Variants in KALRN observed in about 807,000 individuals in gnomAD.
KALRN encodes the protein kalirin RhoGEF kinase.
A neutral mutation model predicts 353.7 loss-of-function variants in KALRN; 70 were observed. The ratio of observed to expected loss-of-function variants is 0.20; its 90% CI spans 0.16 to 0.24. The LOEUF is 0.24. KALRN is among the 10% of genes least tolerant of loss of function. The probability of loss-of-function intolerance (pLI) is 1.00; values close to 1 mark genes in which losing one functional copy is unlikely to be tolerated. For missense variants in KALRN, 2,791 were observed against 3,756.7 expected (o/e 0.74, Z 6.72); for synonymous variants, 1,391 against 1,434.8 (o/e 0.97, Z 0.69).
chr3:124,120,448 C>T (rs2063867070), intron 1 of KALRN, among the ~76,000 whole-genome samples: 1 of 152,140 alleles, frequency 6.6e-6, no homozygotes, highest in Non-Finnish European at 1.5e-5. Flanking sequence ...GCTTAGCGAG[C>T]ATGTTGAGGG....
At chr3:124,185,361 C>T (rs2074093824) in intron 1 of KALRN, among the ~76,000 whole-genome samples, 1 of 152,204 alleles carries the variant, frequency 6.6e-6, no homozygotes, top group Non-Finnish European at 1.5e-5. Context: ...AAGCTTCGGG[C>T]CAAAGCTTGT....
At chr3:124,332,265 G>T (rs1342458085) in intron 8 of KALRN, among the ~76,000 whole-genome samples, 1 of 152,020 alleles carries the variant, frequency 6.6e-6, no homozygotes, top group Non-Finnish European at 1.5e-5. Context: ...ATCTGCTTCT[G>T]TATTCCTGGA....
chr3:124,556,431 A>G (rs935916443), intron 33 of KALRN, among the ~76,000 whole-genome samples: 1 of 152,232 alleles, frequency 6.6e-6, no homozygotes, highest in African/African-American at 2.4e-5. Context: ...AATTCAAGAT[A>G]AAAGCACAGC....
At chr3:124,599,527 A>G (rs2076595890) in intron 34 of KALRN, among the ~76,000 whole-genome samples, 3 of 152,174 alleles carry the variant, frequency 2.0e-5, no homozygotes, top group Admixed American at 2.0e-4. Flanking sequence ...ATTGCCATCC[A>G]CAGCTGCTGC....
rs138967380 is a variant in KALRN at position 124,237,277 on chromosome 3, G to T, written c.263+2334G>T. Among the ~76,000 whole-genome samples the T allele has an allele frequency of 2.6e-3, 396 of 152,114 alleles. 2 individuals are homozygous for T. The highest frequency in any genetic ancestry group is 8.5e-3 in the African/African-American group (352 of 41,532). On this transcript the variant is annotated intron_variant, in intron 3 of 59. Coordinates refer to ENST00000682506, the MANE Select transcript of KALRN (RefSeq NM_001388419.1). The stretch of plus-strand genomic sequence containing the variant: ...AATTGTTTATCTGGGTCAGATCCAG[G>T]ATGCTAAAAAGACAGGCTCTGGTTG...
chr3:124,402,307 C>T (rs2090975223), intron 13 of KALRN, among the ~76,000 whole-genome samples: 1 of 152,206 alleles, frequency 6.6e-6, no homozygotes. Context: ...TGTTCAAAAC[C>T]AGGCCCATAG....
At chr3:124,470,656 CT>C (rs1426026627) in intron 25 of KALRN, among the ~76,000 whole-genome samples, 1 of 152,164 alleles carries the variant, frequency 6.6e-6, no homozygotes, top group Non-Finnish European at 1.5e-5. Context: ...CATCTATGGA[CT>C]GGATGTGTGG....
rs368352277 is a variant in KALRN, at chr3:124,176,069, TC to T, written c.74-51918del. Among the ~76,000 whole-genome samples the T allele has an allele frequency of 1.1e-3, 163 of 152,228 alleles. 3 individuals carry two copies. In the South Asian group the frequency reaches 0.018, roughly 17 times the overall value. On this transcript the variant is annotated intron_variant, in intron 1 of 59. Coordinates refer to ENST00000682506, the MANE Select transcript of KALRN (RefSeq NM_001388419.1). ...GTCTGCATCTCTTCCTTTCCACCCA[TC>T]CCTGCCTTTTTACCTTTTGTGTAGG...
Position 124,334,425 on chromosome 3 carries a change from T to G in KALRN, c.1577T>G (p.Ile526Ser). 1 of 1,614,186 alleles carries G rather than the reference T, an allele frequency of 6.2e-7. No individual in the cohort carries two copies. Among genetic ancestry groups the G allele is most frequent in the East Asian group, 2.2e-5 (1 of 44,870 alleles). ...CATCACCAGCGACGGCTGGAGAGCA[T>G]CTGGCAGCACCGCAAGGTGCGGCTC... Reference protein sequence around the residue: ...VLHHQRRLESIWQHRKVRLHQ... With the variant: ...VLHHQRRLESSWQHRKVRLHQ... The change falls in exon 9 of 60, where the codon ATC becomes AGC. Residue 526 changes from isoleucine (I) to serine (S), a missense_variant. Around this residue, in one of 11 missense-constraint regions of KALRN, gnomAD observed 366 missense variants for 489.2 expected, o/e 0.75. Coordinates refer to ENST00000682506, the MANE Select transcript of KALRN (RefSeq NM_001388419.1). The surrounding 1 kb of genome is among the most constrained non-coding windows in gnomAD (Gnocchi z 4.2).
At chr3:124,238,773 C>G (rs2080093841) in intron 3 of KALRN, among the ~76,000 whole-genome samples, 1 of 152,176 alleles carries the variant, frequency 6.6e-6, no homozygotes, top group Admixed American at 6.5e-5. Context: ...GGTGTAACAG[C>G]TTGGATCAGT....
intron 18 of KALRN, among the ~76,000 whole-genome samples, chr3:124,440,053 T>A (rs141297002): frequency 6.6e-6 from 1 of 152,274 alleles, no homozygotes; most frequent in African/African-American, 2.4e-5. Flanking sequence ...TTTTTATTTT[T>A]TTTAAGCTGG....
intron 10 of KALRN, among the ~76,000 whole-genome samples, chr3:124,361,265 T>G (rs904313777): frequency 2.6e-5 from 4 of 152,236 alleles, no homozygotes; most frequent in Non-Finnish European, 5.9e-5. Flanking sequence ...TTATTTATCT[T>G]TTTATGTTTA....
At position 124,389,077 on chromosome 3, in the gene KALRN, G is replaced by A. The variant is rs142265427; in HGVS notation, c.1962+4041G>A. On this transcript the variant is annotated intron_variant, in intron 11 of 59. Coordinates refer to ENST00000682506, the MANE Select transcript of KALRN (RefSeq NM_001388419.1). ...CTCAACTTTTGCTAAAGTGGCCTTC[G>A]GTACTGCTGATAAATACTGTTATAA... Among the ~76,000 whole-genome samples, 8 of 152,178 alleles carry A rather than the reference G, an allele frequency of 5.3e-5. No homozygotes were observed. In the East Asian group the frequency reaches 1.2e-3, roughly 22 times the overall value.
chr3:124,505,882 G>A (rs1256523199), intron 33 of KALRN, among the ~76,000 whole-genome samples: 1 of 152,040 alleles, frequency 6.6e-6, no homozygotes, highest in Non-Finnish European at 1.5e-5. Context: ...TCTTTTTTGT[G>A]ATCTTGAGCT....
intron 1 of KALRN, among the ~76,000 whole-genome samples, chr3:124,160,659 G>A (rs2069786494): frequency 6.6e-6 from 1 of 152,100 alleles, no homozygotes; most frequent in African/African-American, 2.4e-5. Flanking sequence ...AGACAGCCTG[G>A]CCTTTGGAGG....
intron 1 of KALRN, among the ~76,000 whole-genome samples, chr3:124,185,840 C>G (rs2150251288): frequency 6.6e-6 from 1 of 152,268 alleles, no homozygotes; most frequent in Non-Finnish European, 1.5e-5. Context: ...GTGCCCCTCC[C>G]CTTTCATTGT....
rs145712021 is a variant in KALRN, at chr3:124,344,897, A to T, written c.1648-2246A>T. Among the ~76,000 whole-genome samples the T allele has an allele frequency of 2.0e-5, 3 of 152,360 alleles. No homozygotes were observed. In the East Asian group the frequency reaches 5.8e-4, roughly 29 times the overall value. ...AAGCAAAGTAACTTAAAAAGGAAAC[A>T]AATTGCGTTTAAAAAATATTTAGAA... On this transcript the variant is annotated intron_variant, in intron 9 of 59. Transcript: ENST00000682506.
intron 34 of KALRN, among the ~76,000 whole-genome samples, chr3:124,625,147 G>T (rs2079793825): frequency 6.6e-6 from 1 of 152,072 alleles, no homozygotes; most frequent in Admixed American, 6.6e-5. Context: ...AATCCTAGGA[G>T]CAACCTTATG....
At chr3:124,700,088 G>T in intron 56 of KALRN, 55 bp downstream of exon 56, 1 of 1,570,144 alleles carries the variant, frequency 6.4e-7, no homozygotes, top group Non-Finnish European at 8.7e-7. Context: ...GCACCTGGCT[G>T]CCTGTCACAG....
Sources: allele counts gnomAD v4.1 joint callset (sites outside exome capture counted in the v4.1 genomes callset), GRCh38; gene constraint gnomAD v4.1.1; regional missense constraint gnomAD v4.1.1; non-coding constraint Gnocchi (gnomAD v3.1); transcripts MANE v1.5; gene names NCBI Gene and HGNC (gene_info 2026-07-23, HGNC 2026-07-21).